The following SLC9A6 variants were observed in gnomAD, a reference collection of about 807,000 sequenced individuals.
SLC9A6 encodes the protein sodium/hydrogen exchanger 6.
SLC9A6 carries 6 observed loss-of-function variants against 45.3 expected under a neutral mutation model. The observed-to-expected ratio is 0.13, with a 90% CI of 0.07 to 0.26. The LOEUF (loss-of-function observed/expected upper bound fraction) is 0.26. Among genes scored for constraint, SLC9A6 ranks in the 10% least tolerant of loss-of-function variants. The pLI is 1.00. For synonymous variants in SLC9A6, 191 were observed against 187.7 expected (o/e 1.02, Z -0.14); for missense variants, 278 against 503.7 (o/e 0.55, Z 4.29).
At chrX:135,977,570 A>G (rs1234017466) in intron 1 of SLC9A6, among the ~76,000 whole-genome samples, 1 of 112,038 alleles carries the variant, frequency 8.9e-6, no homozygotes, top group Non-Finnish European at 1.9e-5. Context: ...TATTTATGAG[A>G]TATATACCTA....
intron 11 of SLC9A6, among the ~76,000 whole-genome samples, chrX:136,020,416 A>G (rs1210053160): frequency 1.8e-5 from 2 of 110,766 alleles, no homozygotes; most frequent in Non-Finnish European, 3.8e-5. Context: ...CAATGGCATG[A>G]TCTCAGCCTA....
Position 135,998,486 on chromosome X carries a change from A to T in SLC9A6, c.452A>T (p.His151Leu), listed in dbSNP as rs796053275. The T allele has an allele frequency of 1.7e-5, 20 of 1,147,724 alleles. No individual in the cohort carries two copies. The highest frequency in any genetic ancestry group is 2.9e-5 in the Admixed American group (1 of 34,084). 94.6% of individuals were successfully genotyped at this position (1,147,724 alleles called of 1,213,427 possible). A position where few individuals can be genotyped will look rare whatever the true frequency, so the allele number is the denominator to read the frequency against. ...TAACTTTTTTTTTTTTGTCAGAGACATTTTTTTCGAAATCTTGGGTCTATC... is the reference window on the plus strand; with the variant it reads ...TAACTTTTTTTTTTTTGTCAGAGACTTTTTTTTCGAAATCTTGGGTCTATC... ...FYAGYSLKRR[H>L]FFRNLGSILA... The change falls in exon 5 of 18, where the codon CAT (histidine) becomes CTT (leucine). Residue 151 changes from histidine (H) to leucine (L), a missense_variant. This residue lies in a region of SLC9A6 where 118 missense variants were observed against 209.9 expected (regional missense o/e 0.56). Transcript: ENST00000630721.
At chrX:135,974,474 GGGGAGGAGGTGGGGCCGAGGGGC>G (rs1269796747), upstream of SLC9A6, among the ~76,000 whole-genome samples, 378 of 76,854 alleles carry the variant, frequency 4.9e-3, no homozygotes, top group Non-Finnish European at 7.2e-3. Flanking sequence ...CCGAGGGGGC[GGGGAGGAGGTGGGGCCGAGGGGC>G]GGGAGGAGGT....
At chrX:136,000,182 TTGAGGCTGCAGTGAGCTGCAG>T (rs782445771) in intron 6 of SLC9A6, among the ~76,000 whole-genome samples, 10 of 103,546 alleles carry the variant, frequency 9.7e-5, no homozygotes, top group East Asian at 3.0e-4. Context: ...GCCTAGGAGT[TTGAGGCTGCAGTGAGCTGCAG>T]TGAGGCTGCA....
upstream of SLC9A6, among the ~76,000 whole-genome samples, chrX:135,980,642 G>A (rs1268905968): frequency 2.7e-5 from 3 of 110,945 alleles, no homozygotes; most frequent in Non-Finnish European, 5.7e-5. Flanking sequence ...CTGTAACCTC[G>A]AACTTCTGGG....
At chrX:136,033,079 G>C (rs1237012276) in intron 15 of SLC9A6, 1 of 183,698 alleles carries the variant, frequency 5.4e-6, no homozygotes, top group African/African-American at 3.1e-5. Context: ...GGTCAGGCTG[G>C]TCTCGAACTC....
chrX:136,017,492 G>A (rs926489246), intron 11 of SLC9A6, among the ~76,000 whole-genome samples: 12 of 110,611 alleles, frequency 1.1e-4, no homozygotes, highest in Non-Finnish European at 2.3e-4. Flanking sequence ...GGAGGCAATA[G>A]TGAAAGCCTC....
rs188065858 is a variant in SLC9A6 at position 136,014,137 on chromosome X, G to A, written c.1080+700G>A. Among the ~76,000 whole-genome samples, 7 of 112,218 alleles carry A rather than the reference G, an allele frequency of 6.2e-5. No individual in the cohort carries two copies. In the East Asian group the frequency reaches 2.0e-3, roughly 31 times the overall value. On this transcript the variant is annotated intron_variant, in intron 10 of 17. Transcript: ENST00000630721. ...AAGTGTAATGTCTGGAATAGAAATA[G>A]GTGCATACTTGATTATGGCTATAGT...
chrX:136,005,842 C>T (rs1178840647), intron 7 of SLC9A6, among the ~76,000 whole-genome samples: 1 of 111,697 alleles, frequency 9.0e-6, no homozygotes, highest in Non-Finnish European at 1.9e-5. Context: ...AGGATGATAG[C>T]GAGCTAGTGC....
intron 1 of SLC9A6, among the ~76,000 whole-genome samples, chrX:135,976,250 G>A (rs1272169287): frequency 9.0e-6 from 1 of 111,554 alleles, no homozygotes; most frequent in African/African-American, 3.3e-5. Context: ...CTCTGTAGTT[G>A]ACAGGAAAGT....
chrX:135,980,731 A>C (rs2148125861), upstream of SLC9A6, among the ~76,000 whole-genome samples: 1 of 109,731 alleles, frequency 9.1e-6, no homozygotes, highest in Admixed American at 9.7e-5. Context: ...TAATTTTTTA[A>C]ATTTTTGTAG....
At chrX:135,973,974 C>T (rs3747460), upstream of SLC9A6, 34,533 of 1,008,855 alleles carry the variant, frequency 0.034, 463 homozygotes, top group South Asian at 0.1. Context: ...GCGGGAGCTA[C>T]GGGGAAGCGA....
chrX:135,976,649 A>T (rs1359562431), intron 1 of SLC9A6, among the ~76,000 whole-genome samples: 1 of 111,679 alleles, frequency 9.0e-6, no homozygotes, highest in Non-Finnish European at 1.9e-5. Context: ...ATATCAATTT[A>T]TCTGAAGCAG....
chrX:136,005,288 A>G (rs2089639759), intron 7 of SLC9A6, among the ~76,000 whole-genome samples: 1 of 112,807 alleles, frequency 8.9e-6, no homozygotes, highest in African/African-American at 3.2e-5. Context: ...TTCCTGCAAC[A>G]TTAGGAATAG....
intron 16 of SLC9A6, 64 bp downstream of exon 16, chrX:136,033,557 AAC>A: frequency 1.5e-6 from 1 of 663,256 alleles, no homozygotes; most frequent in Non-Finnish European, 2.4e-6. Context: ...AGTTTAATGG[AAC>A]AAGTGTTTTG....
intron 8 of SLC9A6, among the ~76,000 whole-genome samples, chrX:136,011,950 C>T (rs2070931094): frequency 9.0e-6 from 1 of 111,448 alleles, no homozygotes; most frequent in African/African-American, 3.3e-5. Context: ...ATTAGCCGGG[C>T]ATGGTGGTGG....
intron 14 of SLC9A6, 184 bp from the exon 15 acceptor site, chrX:136,029,948 C>T (rs1223518694): frequency 4.3e-6 from 2 of 460,868 alleles, no homozygotes; most frequent in East Asian, 7.5e-5. Flanking sequence ...CCTTAGAATC[C>T]AAGCTGTTGC....
rs1556619288 is a variant in SLC9A6 at position 136,016,626 on chromosome X, T to C, written c.1081-19T>C. 2.3e-5 allele frequency: 20 copies of C among 886,595 alleles called. No individual in the cohort carries two copies. Among genetic ancestry groups the C allele is most frequent in the Non-Finnish European group, 3.2e-5 (19 of 598,775 alleles). The allele number at this position is 886,595 out of a possible 1,213,427, so 73.1% of individuals were successfully genotyped here. A position where few individuals can be genotyped will look rare whatever the true frequency, so the allele number is the denominator to read the frequency against. ...TGTAACTTTATTTGCTGGACTAATC[T>C]TTTACAATTTCGTTTCAGTTGTTTG... On this transcript the variant is annotated intron_variant, in intron 10 of 17. Coordinates refer to ENST00000630721, the MANE Select transcript of SLC9A6 (RefSeq NM_001379110.1).
At chrX:135,985,968 T>G in intron 2 of SLC9A6, 141 bp downstream of exon 2, 3 of 706,487 alleles carry the variant, frequency 4.2e-6, no homozygotes, top group Non-Finnish European at 6.4e-6. Flanking sequence ...GCCTTCCCCC[T>G]ACCCCGCGTT....
Sources: allele counts gnomAD v4.1 joint callset (sites outside exome capture counted in the v4.1 genomes callset), GRCh38; gene constraint gnomAD v4.1.1; regional missense constraint gnomAD v4.1.1; transcripts MANE v1.5; gene names NCBI Gene and HGNC (gene_info 2026-07-23, HGNC 2026-07-21).